Variants in SHISAL1 observed in about 807,000 individuals in gnomAD.
SHISAL1 encodes shisa like 1.
Under a neutral mutation model 22.6 loss-of-function variants are expected in SHISAL1, and 9 were observed. The observed-to-expected ratio is 0.40, with a 90% confidence interval of 0.24 to 0.70. The LOEUF (loss-of-function observed/expected upper bound fraction) is 0.70. Ranked by LOEUF, SHISAL1 falls within the 30% of genes least tolerant of loss-of-function variation. SHISAL1 has a pLI of 0.39. For missense variants in SHISAL1, 246 were observed against 270.6 expected (o/e 0.91, Z 0.64); for synonymous variants, 119 against 115.4 (o/e 1.03, Z -0.20).
chr22:44,288,285 C>T (rs377680390), intron 3 of SHISAL1, among the ~76,000 whole-genome samples: 4 of 152,194 alleles, frequency 2.6e-5, no homozygotes, highest in African/African-American at 9.7e-5. Flanking sequence ...TAGAGTTGCG[C>T]TCCTCACCAC....
At position 44,245,405 on chromosome 22, in the gene SHISAL1, T is replaced by G. The variant is rs2054991010; in HGVS notation, c.*4280A>C. On this transcript the variant is annotated 3_prime_UTR_variant, in exon 5 of 5. Coordinates refer to ENST00000381176, the MANE Select transcript of SHISAL1 (RefSeq NM_001099294.2). ...TCTCAGCTCACTGCAAGCTCTGCCT[T>G]CTGGGTTCATGTTATGTTAATTTCA... 6.6e-6 allele frequency: 1 copy of G among 152,284 alleles called. No individual in the cohort carries two copies. 9.4% of individuals were successfully genotyped at this position (152,284 alleles called of 1,614,324 possible).
At chr22:44,329,825 G>A in the SHISAL1 span, among the ~76,000 whole-genome samples, 7 of 152,190 alleles carry the variant, frequency 4.6e-5, no homozygotes, top group African/African-American at 1.7e-4. Context: ...AGGACCTGAA[G>A]GTTATTTGAA....
At chr22:44,291,832 G>A (rs1017395164) in intron 3 of SHISAL1, among the ~76,000 whole-genome samples, 6 of 152,068 alleles carry the variant, frequency 3.9e-5, no homozygotes, top group South Asian at 4.2e-4. Context: ...ACCCCCACAC[G>A]GAGGCTTCCA....
At chr22:44,258,618 C>G (rs1472820566) in intron 4 of SHISAL1, among the ~76,000 whole-genome samples, 2 of 152,170 alleles carry the variant, frequency 1.3e-5, no homozygotes, top group African/African-American at 4.8e-5. Flanking sequence ...TGGCCTCCAG[C>G]TCCATCCATG....
At chr22:44,262,036 C>T (rs2055128320) in intron 4 of SHISAL1, among the ~76,000 whole-genome samples, 1 of 152,192 alleles carries the variant, frequency 6.6e-6, no homozygotes, top group Admixed American at 6.5e-5. Context: ...CCCTTGAGGG[C>T]TCGAAGCGGG....
chr22:44,329,023 A>G, the SHISAL1 span, among the ~76,000 whole-genome samples: 1 of 151,984 alleles, frequency 6.6e-6, no homozygotes, highest in Non-Finnish European at 1.5e-5. Flanking sequence ...CCTGGCCCCA[A>G]CCTCTCCCAG....
chr22:44,304,391 G>A (rs1031345331), intron 1 of SHISAL1, among the ~76,000 whole-genome samples: 3 of 152,250 alleles, frequency 2.0e-5, no homozygotes, highest in African/African-American at 7.2e-5. Flanking sequence ...GGGCATCGTG[G>A]CGGGAGCTGG....
chr22:44,265,462 G>A (rs1249597073), intron 4 of SHISAL1, among the ~76,000 whole-genome samples: 1 of 152,090 alleles, frequency 6.6e-6, no homozygotes, highest in South Asian at 2.1e-4. Flanking sequence ...GCTGAGAGGT[G>A]TATCCTCTCC....
intron 4 of SHISAL1, among the ~76,000 whole-genome samples, chr22:44,261,481 G>A (rs2055124060): frequency 6.6e-6 from 1 of 152,112 alleles, no homozygotes; most frequent in South Asian, 2.1e-4. Context: ...TGGCCTCAAT[G>A]TCAGACAAGC....
intron 4 of SHISAL1, among the ~76,000 whole-genome samples, chr22:44,270,079 G>A (rs2055196173): frequency 6.6e-6 from 1 of 152,200 alleles, no homozygotes; most frequent in Non-Finnish European, 1.5e-5. Context: ...GGGCCTCCCT[G>A]CCTCCATTCC....
chr22:44,250,780 C>A (rs375843750), intron 4 of SHISAL1, among the ~76,000 whole-genome samples: 44 of 152,172 alleles, frequency 2.9e-4, no homozygotes, highest in African/African-American at 9.9e-4. Context: ...TGAACTACCC[C>A]CTTCATACCA....
At chr22:44,331,214 C>A in the SHISAL1 span, among the ~76,000 whole-genome samples, 2 of 152,042 alleles carry the variant, frequency 1.3e-5, no homozygotes, top group East Asian at 1.9e-4. The surrounding 1 kb of genome is among the most constrained non-coding windows in gnomAD (Gnocchi z 5.2). Context: ...CACCGGCTGT[C>A]CCGCACGGTT....
chr22:44,249,529 G>T lies in SHISAL1; in HGVS notation c.*156C>A. The T allele has an allele frequency of 2.0e-6, 1 of 512,796 alleles. No individual in the cohort carries two copies. Among genetic ancestry groups the T allele is most frequent in the South Asian group, 1.9e-5 (1 of 51,912 alleles). 31.8% of individuals were successfully genotyped at this position (512,796 alleles called of 1,614,324 possible). A position where few individuals can be genotyped will look rare whatever the true frequency, so the allele number is the denominator to read the frequency against. ...AGTTTGCTCCTAATCTTAGAAGTCC[G>T]CGGAAGGGGGCTTTGGGCACAGGCA... On this transcript the variant is annotated 3_prime_UTR_variant, in exon 5 of 5. Transcript: ENST00000381176.
At chr22:44,260,854 G>T (rs1173674082) in intron 4 of SHISAL1, among the ~76,000 whole-genome samples, 1 of 152,148 alleles carries the variant, frequency 6.6e-6, no homozygotes, top group East Asian at 2.0e-4. Context: ...GGTTGCCCCT[G>T]CATGGCAGTC....
chr22:44,285,991 C>G (rs2055312798), intron 3 of SHISAL1, among the ~76,000 whole-genome samples: 1 of 152,216 alleles, frequency 6.6e-6, no homozygotes, highest in South Asian at 2.1e-4. Flanking sequence ...ACCCTGAGTC[C>G]TTGGGCTGGG....
At chr22:44,299,851 CAG>C (rs1341707696) in intron 2 of SHISAL1, among the ~76,000 whole-genome samples, 3 of 150,918 alleles carry the variant, frequency 2.0e-5, no homozygotes, top group Non-Finnish European at 4.4e-5. Context: ...TAGACAGAGA[CAG>C]AGAGACAGAG....
intron 3 of SHISAL1, among the ~76,000 whole-genome samples, chr22:44,287,674 G>A (rs2055325630): frequency 6.6e-6 from 1 of 152,176 alleles, no homozygotes; most frequent in Admixed American, 6.5e-5. Context: ...TTAAAGAGAG[G>A]CTAGCTTTTC....
chr22:44,256,020 C>G (rs1183866503), intron 4 of SHISAL1, among the ~76,000 whole-genome samples: 1 of 152,208 alleles, frequency 6.6e-6, no homozygotes, highest in South Asian at 2.1e-4. Flanking sequence ...TAAACAGAAC[C>G]AACAAGTAAG....
chr22:44,323,121 A>C, the SHISAL1 span, among the ~76,000 whole-genome samples: 1 of 98,696 alleles, frequency 1.0e-5, no homozygotes, highest in African/African-American at 4.1e-5. Flanking sequence ...TACCCACCTC[A>C]CCCACCCGTT....
Sources: gnomAD v4.1 joint callset for allele counts (sites outside exome capture counted in the v4.1 genomes callset) on GRCh38, gnomAD v4.1.1 for gene constraint, Gnocchi (gnomAD v3.1) non-coding constraint, MANE v1.5 for transcripts, NCBI Gene and HGNC (gene_info 2026-07-23, HGNC 2026-07-21) for gene names.